ANO3: variants seen among roughly 807,000 people sequenced by gnomAD.
ANO3 encodes the protein anoctamin-3.
ANO3 carries 99 observed loss-of-function variants against 144.8 expected under a neutral mutation model. The ratio of observed to expected loss-of-function variants is 0.68; its 90% confidence interval spans 0.58 to 0.81. The LOEUF is 0.81. Ranked by LOEUF, ANO3 falls within the 30% of genes least tolerant of loss-of-function variation. The pLI is 0.00. For missense variants in ANO3, 905 were observed against 1,202.2 expected (o/e 0.75, Z 3.66); for synonymous variants, 414 against 392.6 (o/e 1.05, Z -0.64).
At chr11:26,531,565 A>G (rs1304092868) in intron 8 of ANO3, among the ~76,000 whole-genome samples, 4 of 152,170 alleles carry the variant, frequency 2.6e-5, no homozygotes, top group African/African-American at 9.7e-5. Context: ...TTGTAGACCT[A>G]TGGACTGGTA....
At chr11:26,300,995 A>G (rs972917670) in intron 1 of ANO3, among the ~76,000 whole-genome samples, 1 of 134,252 alleles carries the variant, frequency 7.4e-6, no homozygotes, top group Non-Finnish European at 1.5e-5. Flanking sequence ...TTGGGATTAC[A>G]GGTGCCCACC....
chr11:26,189,260 A>G (rs540891052), exon 1 of ANO3: 1 of 985,298 alleles, frequency 1.0e-6, no homozygotes, highest in Admixed American at 6.2e-5. Context: ...GTTTTGCTTT[A>G]CCCTGTTTGA....
intron 1 of ANO3, among the ~76,000 whole-genome samples, chr11:26,401,861 G>A (rs942972639): frequency 6.6e-6 from 1 of 151,962 alleles, no homozygotes; most frequent in African/African-American, 2.4e-5. Context: ...TAACCCAGAC[G>A]ATTCCACATT....
chr11:26,321,205 T>C lies in ANO3; in HGVS notation c.-3+11486T>C, dbSNP rs140313387. ...TTCTATTTCCCTCCTACTTGATCCC[T>C]CCCCAATAAAAGGAAATCTTGAGTA... On this transcript the variant is annotated intron_variant, in intron 1 of 26. Transcript: ENST00000525139. 4.4e-3 allele frequency among the ~76,000 whole-genome samples: 674 copies of C among 152,148 alleles called. 5 individuals are homozygous for C. Among genetic ancestry groups the C allele is most frequent in the African/African-American group, 0.016 (646 of 41,552 alleles).
At chr11:26,511,181 C>T (rs1861649714) in intron 5 of ANO3, among the ~76,000 whole-genome samples, 1 of 152,212 alleles carries the variant, frequency 6.6e-6, no homozygotes, top group Non-Finnish European at 1.5e-5. Flanking sequence ...CACAAGTTAC[C>T]AGTCTTGACT....
chr11:26,535,080 G>T (rs1404226453), intron 9 of ANO3, among the ~76,000 whole-genome samples: 1 of 152,126 alleles, frequency 6.6e-6, no homozygotes, highest in Non-Finnish European at 1.5e-5. Context: ...ATTGTAAATT[G>T]GTTATGAGTT....
At chr11:26,471,605 A>C (rs1240682661) in intron 4 of ANO3, among the ~76,000 whole-genome samples, 1 of 151,750 alleles carries the variant, frequency 6.6e-6, no homozygotes, top group Non-Finnish European at 1.5e-5. Flanking sequence ...ATAAAACTGC[A>C]CAAAAGCTCC....
chr11:26,379,559 A>G (rs1188838729), intron 1 of ANO3, among the ~76,000 whole-genome samples: 1 of 152,062 alleles, frequency 6.6e-6, no homozygotes, highest in Non-Finnish European at 1.5e-5. Context: ...AGGTGGGTGG[A>G]TTGCTTGAGC....
rs770833825 is a variant in ANO3 at position 26,531,198 on chromosome 11, A to T, written c.738-7A>T. On this transcript the variant is annotated splice_polypyrimidine_tract_variant and splice_region_variant and intron_variant, in intron 7 of 26. Coordinates refer to ENST00000256737, the MANE Select transcript of ANO3 (RefSeq NM_031418.4). The stretch of plus-strand genomic sequence containing the variant: ...TAATCTAGTTCTCAAATGTGACTTC[A>T]TTCCAGGATGCAAACTTATTTTAGA... The T allele has an allele frequency of 1.2e-6, 2 of 1,613,930 alleles. No homozygotes were observed. The highest frequency in any genetic ancestry group is 3.3e-5 in the Admixed American group (2 of 59,956).
rs1453702533 is a variant in ANO3 at position 26,535,470 on chromosome 11, A to G, written c.976+908A>G. 2.0e-5 allele frequency among the ~76,000 whole-genome samples: 3 copies of G among 152,106 alleles called. No individual in the cohort carries two copies. The East Asian group carries it at 5.8e-4, about 29-fold the overall frequency. On this transcript the variant is annotated intron_variant, in intron 9 of 26. Transcript: ENST00000256737. ...TTAGTCATATCCTAAAAGCCTTGAAAATAAAAAGTTGACAGCCAGCAAAAA... is the reference window on the plus strand; with the variant it reads ...TTAGTCATATCCTAAAAGCCTTGAAGATAAAAAGTTGACAGCCAGCAAAAA...
intron 3 of ANO3, among the ~76,000 whole-genome samples, chr11:26,461,640 G>A (rs187821695): frequency 1.2e-4 from 18 of 152,116 alleles, no homozygotes; most frequent in African/African-American, 4.3e-4. Context: ...AACAAAAGTT[G>A]AATGAATACA....
intron 3 of ANO3, among the ~76,000 whole-genome samples, chr11:26,450,759 A>C (rs1328103891): frequency 6.6e-6 from 1 of 152,220 alleles, no homozygotes; most frequent in Non-Finnish European, 1.5e-5. Flanking sequence ...TATTTGTCAG[A>C]GATCTACTCA....
intron 1 of ANO3, among the ~76,000 whole-genome samples, chr11:26,292,793 G>T (rs1853990078): frequency 6.6e-6 from 1 of 152,128 alleles, no homozygotes; most frequent in South Asian, 2.1e-4. Context: ...TCCTTCCTCT[G>T]GAAGCTTCAT....
At chr11:26,238,316 A>C (rs1180012502) in intron 1 of ANO3, among the ~76,000 whole-genome samples, 1 of 152,154 alleles carries the variant, frequency 6.6e-6, no homozygotes, top group Non-Finnish European at 1.5e-5. Context: ...TGTAGAGCCA[A>C]AACTGGACAA....
intron 1 of ANO3, among the ~76,000 whole-genome samples, chr11:26,408,162 G>T (rs1025310179): frequency 1.3e-5 from 2 of 151,896 alleles, no homozygotes; most frequent in Admixed American, 1.3e-4. Flanking sequence ...CACAGCAAAA[G>T]AAACTACCAT....
chr11:26,352,754 A>G (rs1010334862), intron 1 of ANO3, among the ~76,000 whole-genome samples: 1 of 151,988 alleles, frequency 6.6e-6, no homozygotes, highest in East Asian at 1.9e-4. Flanking sequence ...TTCTTCAGTT[A>G]TTTTGTAGGT....
intron 21 of ANO3, among the ~76,000 whole-genome samples, chr11:26,641,152 T>C (rs995899539): frequency 6.6e-6 from 1 of 152,166 alleles, no homozygotes; most frequent in African/African-American, 2.4e-5. Context: ...AATTCCAAGA[T>C]TGTACTTGGG....
intron 18 of ANO3, among the ~76,000 whole-genome samples, chr11:26,632,835 G>C (rs933126806): frequency 1.3e-5 from 2 of 152,064 alleles, no homozygotes; most frequent in African/African-American, 4.8e-5. Flanking sequence ...ACAATAAAAA[G>C]TACCTAAAAA....
chr11:26,563,058 G>A (rs1373264729), intron 14 of ANO3: 4 of 1,580,702 alleles, frequency 2.5e-6, no homozygotes, highest in Non-Finnish European at 3.4e-6. Context: ...GTGAACATTG[G>A]CATCCTCATT....
Sources: allele counts gnomAD v4.1 joint callset (sites outside exome capture counted in the v4.1 genomes callset), GRCh38; gene constraint gnomAD v4.1.1; transcripts MANE v1.5; gene names NCBI Gene and HGNC (gene_info 2026-07-23, HGNC 2026-07-21).